HDAC9: variants seen among roughly 807,000 people sequenced by gnomAD.
The protein encoded by HDAC9 is MEF-2 interacting transcription repressor (MITR) protein.
In HDAC9, 41 loss-of-function variants were observed where a neutral mutation model predicts 139.4. The observed-to-expected ratio is 0.29, with a 90% CI of 0.23 to 0.38. HDAC9 has a LOEUF of 0.38. HDAC9 is among the 10% of genes least tolerant of loss of function. The pLI is 1.00. For synonymous variants in HDAC9, 517 were observed against 476.2 expected (o/e 1.09, Z -1.12); for missense variants, 1,147 against 1,297.0 (o/e 0.88, Z 1.78).
At chr7:18,662,015 T>C (rs564284886) in intron 11 of HDAC9, among the ~76,000 whole-genome samples, 77 of 152,278 alleles carry the variant, frequency 5.1e-4, no homozygotes, top group South Asian at 1.4e-3. Context: ...TCTGTTAAAA[T>C]GTACATATAA....
At chr7:18,199,102 T>C (rs958138579) in intron 2 of HDAC9, among the ~76,000 whole-genome samples, 1 of 152,140 alleles carries the variant, frequency 6.6e-6, no homozygotes, top group African/African-American at 2.4e-5. Flanking sequence ...TGTTTGTTTG[T>C]TTGTTTTAAT....
At chr7:18,768,578 G>A (rs1790022728) in intron 16 of HDAC9, among the ~76,000 whole-genome samples, 1 of 152,110 alleles carries the variant, frequency 6.6e-6, no homozygotes. Context: ...TTTAAAATGG[G>A]TTTCATTGGC....
chr7:18,694,300 G>T (rs1314316941), intron 12 of HDAC9, among the ~76,000 whole-genome samples: 1 of 152,114 alleles, frequency 6.6e-6, no homozygotes, highest in East Asian at 1.9e-4. Context: ...TGTCACAAAG[G>T]ATCTAATGAA....
chr7:18,555,642 A>G (rs748032170), intron 2 of HDAC9, among the ~76,000 whole-genome samples: 1 of 152,150 alleles, frequency 6.6e-6, no homozygotes, highest in Non-Finnish European at 1.5e-5. Context: ...GATCTTAGCA[A>G]TGCTAACATC....
chr7:18,224,227 A>T (rs915841896), intron 2 of HDAC9, among the ~76,000 whole-genome samples: 1 of 152,156 alleles, frequency 6.6e-6, no homozygotes, highest in African/African-American at 2.4e-5. Context: ...ATGCTAGTTC[A>T]TGTCCTCTTT....
intron 2 of HDAC9, among the ~76,000 whole-genome samples, chr7:18,197,661 A>T (rs1790822150): frequency 6.6e-6 from 1 of 152,200 alleles, no homozygotes; most frequent in Non-Finnish European, 1.5e-5. Context: ...GTGTATAAAA[A>T]TATTGGTGGC....
At position 18,665,582 on chromosome 7, in the gene HDAC9, T is replaced by A. The variant is rs138088366; in HGVS notation, c.1468-631T>A. ...TCTTTTCTAATATTTAATTTCCATT[T>A]GAGTCTGTTCATAAAACATCTTATT... On this transcript the variant is annotated intron_variant, in intron 11 of 25. Transcript: ENST00000686413. Among the ~76,000 whole-genome samples, 1,177 of 152,314 alleles carry A rather than the reference T, an allele frequency of 7.7e-3. 14 individuals carry two copies. The highest frequency in any genetic ancestry group is 0.027 in the African/African-American group (1,118 of 41,586).
At chr7:18,622,176 G>C (rs570305918) in intron 6 of HDAC9, among the ~76,000 whole-genome samples, 9 of 152,194 alleles carry the variant, frequency 5.9e-5, no homozygotes, top group Non-Finnish European at 1.3e-4. Flanking sequence ...CAGATATCCA[G>C]TACTGCAGGG....
chr7:18,525,495 A>G (rs1806538243), intron 2 of HDAC9, among the ~76,000 whole-genome samples: 1 of 152,160 alleles, frequency 6.6e-6, no homozygotes, highest in Admixed American at 6.6e-5. Flanking sequence ...TCTAAATTAC[A>G]TGCAGTCTTA....
chr7:18,653,794 A>C (rs1790155873), intron 11 of HDAC9, among the ~76,000 whole-genome samples: 1 of 152,158 alleles, frequency 6.6e-6, no homozygotes, highest in Non-Finnish European at 1.5e-5. Flanking sequence ...CTTTTGGAAG[A>C]GAATTTGACT....
At chr7:18,719,547 C>T (rs2129122761) in intron 12 of HDAC9, among the ~76,000 whole-genome samples, 1 of 152,124 alleles carries the variant, frequency 6.6e-6, no homozygotes, top group South Asian at 2.1e-4. Context: ...ACCACGTTGG[C>T]CAGGCTTGTC....
intron 11 of HDAC9, among the ~76,000 whole-genome samples, chr7:18,661,232 C>G (rs752308854): frequency 2.0e-5 from 3 of 152,032 alleles, no homozygotes; most frequent in Non-Finnish European, 4.4e-5. Context: ...AAGGATAAAT[C>G]CCAAATATTT....
chr7:18,790,220 A>G (rs1231670316), intron 16 of HDAC9, among the ~76,000 whole-genome samples: 2 of 152,204 alleles, frequency 1.3e-5, no homozygotes, highest in Admixed American at 6.5e-5. Flanking sequence ...AGATTTTGGG[A>G]TTTAATCTTA....
chr7:18,650,560 A>C (rs1476588801), intron 11 of HDAC9, among the ~76,000 whole-genome samples: 1 of 152,152 alleles, frequency 6.6e-6, no homozygotes, highest in African/African-American at 2.4e-5. Context: ...CAAACTCGAG[A>C]TTTTGACAGG....
intron 22 of HDAC9, among the ~76,000 whole-genome samples, chr7:18,875,396 C>G (rs1799244532): frequency 6.6e-6 from 1 of 152,066 alleles, no homozygotes; most frequent in African/African-American, 2.4e-5. Context: ...CATTGCAAAG[C>G]AGACAACAAC....
chr7:18,114,415 T>C (rs978704392), intron 1 of HDAC9, among the ~76,000 whole-genome samples: 1 of 152,178 alleles, frequency 6.6e-6, no homozygotes, highest in African/African-American at 2.4e-5. Flanking sequence ...AGCCAATTAG[T>C]AGTGTTTGCC....
chr7:18,917,510 A>G (rs1051569999), intron 22 of HDAC9, among the ~76,000 whole-genome samples: 3 of 152,036 alleles, frequency 2.0e-5, no homozygotes, highest in Non-Finnish European at 4.4e-5. Flanking sequence ...GATCAGAGCC[A>G]CTTGTCTGAA....
intron 1 of HDAC9, among the ~76,000 whole-genome samples, chr7:18,310,338 C>G (rs1799226340): frequency 6.6e-6 from 1 of 152,112 alleles, no homozygotes; most frequent in Non-Finnish European, 1.5e-5. Flanking sequence ...GACGATATAC[C>G]ATGGCCCAGA....
chr7:18,905,198 C>T (rs894693041), intron 22 of HDAC9, among the ~76,000 whole-genome samples: 1 of 152,194 alleles, frequency 6.6e-6, no homozygotes, highest in Non-Finnish European at 1.5e-5. Flanking sequence ...GCCCAGCCTC[C>T]CCATTTCTTG....
Sources: allele counts gnomAD v4.1 joint callset (sites outside exome capture counted in the v4.1 genomes callset), GRCh38; gene constraint gnomAD v4.1.1; transcripts MANE v1.5; gene names NCBI Gene and HGNC (gene_info 2026-07-23, HGNC 2026-07-21).